The following SPAG16 variants were observed in gnomAD, a reference collection of about 807,000 sequenced individuals.
SPAG16 encodes the protein sperm-associated antigen 16 protein.
SPAG16 carries 86 observed loss-of-function variants against 80.4 expected under a neutral mutation model. The observed-to-expected ratio is 1.07, with a 90% CI of 0.90 to 1.28. The LOEUF (loss-of-function observed/expected upper bound fraction) is 1.28, where lower values mean the gene tolerates loss of function less well. SPAG16 is among the 50% of genes most tolerant of loss of function. SPAG16 has a pLI of 0.00. For synonymous variants in SPAG16, 294 were observed against 265.9 expected, an observed-to-expected ratio of 1.11 and a Z score of -1.03; for missense variants, 870 against 765.3, an observed-to-expected ratio of 1.14 and a Z score of -1.61.
At chr2:214,308,723 C>T (rs115926794) in intron 15 of SPAG16, among the ~76,000 whole-genome samples, 4,277 of 152,136 alleles carry the variant, frequency 0.028, 85 homozygotes, top group South Asian at 0.053. Context: ...CCCCCATTCT[C>T]TTCTGGCTTG....
intron 15 of SPAG16, chr2:214,240,385 G>A (rs553357158): frequency 6.6e-6 from 1 of 152,138 alleles, no homozygotes; most frequent in East Asian, 1.9e-4. Flanking sequence ...TTGAGGGCAG[G>A]GTCTATGTCC....
intron 15 of SPAG16, among the ~76,000 whole-genome samples, chr2:214,226,161 C>T (rs1289937463): frequency 6.6e-6 from 1 of 152,120 alleles, no homozygotes; most frequent in African/African-American, 2.4e-5. Context: ...TGGATCTCAG[C>T]TCTGCTTCTT....
At chr2:213,839,681 G>A (rs999236883) in intron 10 of SPAG16, among the ~76,000 whole-genome samples, 1 of 152,118 alleles carries the variant, frequency 6.6e-6, no homozygotes, top group Non-Finnish European at 1.5e-5. Context: ...CCTGGAATGT[G>A]ACATTATTGT....
At chr2:214,062,172 C>A (rs2050297904) in intron 13 of SPAG16, among the ~76,000 whole-genome samples, 1 of 152,046 alleles carries the variant, frequency 6.6e-6, no homozygotes. Context: ...GTAATCCCAG[C>A]ACTTTGGGAG....
chr2:213,532,971 A>G (rs939595321), intron 10 of SPAG16, among the ~76,000 whole-genome samples: 4 of 152,174 alleles, frequency 2.6e-5, no homozygotes, highest in Non-Finnish European at 5.9e-5. Context: ...TTTATAGTAA[A>G]TTATCAAAGG....
At chr2:214,310,222 T>C (rs553002718) in intron 15 of SPAG16, among the ~76,000 whole-genome samples, 45 of 151,966 alleles carry the variant, frequency 3.0e-4, no homozygotes, top group African/African-American at 1.0e-3. Flanking sequence ...TATTTTTTCC[T>C]CCCTTGAAGG....
chr2:214,050,992 G>A (rs1177528968), intron 13 of SPAG16, among the ~76,000 whole-genome samples: 1 of 152,152 alleles, frequency 6.6e-6, no homozygotes, highest in Non-Finnish European at 1.5e-5. Context: ...CCAGGAACGT[G>A]GGGTTGCTTG....
intron 15 of SPAG16, among the ~76,000 whole-genome samples, chr2:214,246,564 G>A (rs968467516): frequency 1.3e-5 from 2 of 152,012 alleles, no homozygotes; most frequent in African/African-American, 4.8e-5. Flanking sequence ...AGTCCACTGT[G>A]CTGCAAAGAA....
chr2:213,926,427 T>C (rs2078482705), intron 11 of SPAG16, among the ~76,000 whole-genome samples: 1 of 152,032 alleles, frequency 6.6e-6, no homozygotes, highest in Non-Finnish European at 1.5e-5. Context: ...CCAAAGTCCA[T>C]TGTATCATTC....
At chr2:213,723,379 A>T (rs569394123) in intron 10 of SPAG16, among the ~76,000 whole-genome samples, 1 of 152,336 alleles carries the variant, frequency 6.6e-6, no homozygotes, top group East Asian at 1.9e-4. Flanking sequence ...CTGTGTTTGC[A>T]TATGAAAGCC....
At chr2:214,209,743 A>G (rs1269425584) in intron 15 of SPAG16, among the ~76,000 whole-genome samples, 2 of 152,180 alleles carry the variant, frequency 1.3e-5, no homozygotes, top group Non-Finnish European at 2.9e-5. Context: ...GCCCAGAAAC[A>G]TGAACACTTC....
chr2:213,340,817 T>C (rs1212081787), intron 6 of SPAG16, among the ~76,000 whole-genome samples: 5 of 152,150 alleles, frequency 3.3e-5, no homozygotes, highest in African/African-American at 7.2e-5. Flanking sequence ...TCTCTCCTTC[T>C]TTACCTTCCT....
intron 13 of SPAG16, among the ~76,000 whole-genome samples, chr2:214,089,484 G>A (rs114282538): frequency 2.0e-3 from 308 of 152,090 alleles, no homozygotes; most frequent in African/African-American, 7.2e-3. Flanking sequence ...TCCTTTAAAT[G>A]ATGCAGGTTT....
intron 9 of SPAG16, among the ~76,000 whole-genome samples, chr2:213,463,723 G>C (rs1328281051): frequency 1.3e-5 from 2 of 152,248 alleles, no homozygotes; most frequent in South Asian, 2.1e-4. Context: ...TTTGCTGCAG[G>C]GGCGGAGCCC....
At chr2:213,524,111 A>G (rs535280731) in intron 10 of SPAG16, among the ~76,000 whole-genome samples, 1 of 152,286 alleles carries the variant, frequency 6.6e-6, no homozygotes, top group East Asian at 1.9e-4. Flanking sequence ...TGCTGTGTGC[A>G]GCCTAGGGAC....
chr2:213,533,183 C>T (rs1416288442), intron 10 of SPAG16, among the ~76,000 whole-genome samples: 1 of 152,076 alleles, frequency 6.6e-6, no homozygotes, highest in African/African-American at 2.4e-5. Flanking sequence ...CAAATGTCCC[C>T]TATTTTTCAT....
intron 15 of SPAG16, among the ~76,000 whole-genome samples, chr2:214,335,297 T>C (rs1436218960): frequency 6.6e-6 from 1 of 152,100 alleles, no homozygotes; most frequent in Non-Finnish European, 1.5e-5. Flanking sequence ...ACTGGAGAAA[T>C]AAGTCTTCCA....
rs2047458226 is a variant in SPAG16 at position 214,014,053 on chromosome 2, C to T, written c.1503C>T (p.Thr501=). The change falls in exon 13 of 16, where the codon ACC becomes ACT. Residue 501 remains threonine, a synonymous_variant. Transcript: ENST00000331683. The part of the protein sequence containing the change: ...NTLLTSSADK[T]LSIWDARTGI... ...TTCTCACAAGCTCTGCAGACAAGAC[C>T]CTGTCTATATGGGATGCAAGAACAG... 1 of 1,613,174 alleles carries T rather than the reference C, an allele frequency of 6.2e-7. No individual in the cohort carries two copies. The highest frequency in any genetic ancestry group is 2.2e-5 in the East Asian group (1 of 44,784).
At chr2:214,014,817 T>A (rs572769541) in intron 13 of SPAG16, among the ~76,000 whole-genome samples, 1 of 152,296 alleles carries the variant, frequency 6.6e-6, no homozygotes, top group East Asian at 1.9e-4. Context: ...ATAATCGGAT[T>A]TACCTTGTCA....
Sources: allele counts gnomAD v4.1 joint callset (sites outside exome capture counted in the v4.1 genomes callset), GRCh38; gene constraint gnomAD v4.1.1; transcripts MANE v1.5; gene names NCBI Gene and HGNC (gene_info 2026-07-23, HGNC 2026-07-21).